Variants in TASP1 observed in about 807,000 individuals in gnomAD.
TASP1 encodes the protein taspase 1.
A neutral mutation model predicts 56.6 loss-of-function variants in TASP1; 16 were observed. The observed-to-expected ratio is 0.28, with a 90% CI of 0.19 to 0.43. TASP1 has a LOEUF of 0.43. TASP1 is among the 20% of genes least tolerant of loss of function. TASP1 has a pLI of 1.00. For missense variants in TASP1, 393 were observed against 511.6 expected, an observed-to-expected ratio of 0.77 and a Z score of 2.24; for synonymous variants, 179 against 184.2, an observed-to-expected ratio of 0.97 and a Z score of 0.23.
the TASP1 span, among the ~76,000 whole-genome samples, chr20:13,240,125 A>G: frequency 6.6e-6 from 1 of 152,224 alleles, no homozygotes; most frequent in Admixed American, 6.5e-5. Flanking sequence ...GCCCAGCCAC[A>G]TGGCATTCTA....
At chr20:13,351,032 G>T in the TASP1 span, among the ~76,000 whole-genome samples, 1 of 151,392 alleles carries the variant, frequency 6.6e-6, no homozygotes, top group Non-Finnish European at 1.5e-5. Flanking sequence ...AGTTGAACAG[G>T]CACTTCTCCA....
rs188576682 is a variant in TASP1, at chr20:13,594,362, G to C, written c.283-6992C>G. Among the ~76,000 whole-genome samples the C allele has an allele frequency of 2.0e-5, 3 of 152,332 alleles. No homozygotes were observed. In the East Asian group the frequency reaches 5.8e-4, roughly 29 times the overall value. ...CTTCGCCAGCAATGGAACAAAGCTG[G>C]ATGGAGAATGACTTTGAGGAGATGA... On this transcript the variant is annotated intron_variant, in intron 4 of 13. Coordinates refer to ENST00000337743, the MANE Select transcript of TASP1 (RefSeq NM_017714.3).
At chr20:13,587,551 T>TTTACA (rs2047352745) in intron 4 of TASP1, among the ~76,000 whole-genome samples, 181 bp from the exon 5 acceptor site, 1 of 151,544 alleles carries the variant, frequency 6.6e-6, no homozygotes, top group Non-Finnish European at 1.5e-5. Flanking sequence ...TACAGATCAA[T>TTTACA]ATACTTTGTA....
chr20:13,566,066 T>C (rs2046517974), intron 7 of TASP1, among the ~76,000 whole-genome samples: 1 of 152,204 alleles, frequency 6.6e-6, no homozygotes, highest in African/African-American at 2.4e-5. Flanking sequence ...GAAGAAGTCA[T>C]GCTAAGTGAA....
At chr20:13,595,367 ACAT>A (rs1258930424) in intron 4 of TASP1, among the ~76,000 whole-genome samples, 1 of 152,232 alleles carries the variant, frequency 6.6e-6, no homozygotes, top group African/African-American at 2.4e-5. Flanking sequence ...TCAAATTCAC[ACAT>A]CACAATATTA....
intron 4 of TASP1, among the ~76,000 whole-genome samples, chr20:13,607,904 GCA>G (rs1214088298): frequency 2.0e-5 from 3 of 152,090 alleles, no homozygotes; most frequent in Non-Finnish European, 2.9e-5. Context: ...AACCTGGGAG[GCA>G]AAGGCTTTAG....
At chr20:13,473,854 C>T (rs2044616848) in intron 11 of TASP1, among the ~76,000 whole-genome samples, 1 of 152,126 alleles carries the variant, frequency 6.6e-6, no homozygotes, top group Non-Finnish European at 1.5e-5. Flanking sequence ...AGGAGGATTA[C>T]TGGAGCCCAG....
intron 4 of TASP1, among the ~76,000 whole-genome samples, chr20:13,599,048 G>A (rs1601396281): frequency 1.3e-5 from 2 of 152,258 alleles, no homozygotes; most frequent in Middle Eastern, 3.4e-3. Context: ...GAGAGGATGT[G>A]GAGAAATAAG....
chr20:13,589,863 C>T (rs2047456764), intron 4 of TASP1, among the ~76,000 whole-genome samples: 1 of 152,154 alleles, frequency 6.6e-6, no homozygotes, highest in African/African-American at 2.4e-5. Context: ...GATGTTCATG[C>T]CATTGTACTC....
At chr20:13,623,303 T>G in intron 4 of TASP1, 143 bp downstream of exon 4, 1 of 547,276 alleles carries the variant, frequency 1.8e-6, no homozygotes, top group Non-Finnish European at 3.2e-6. Flanking sequence ...AACAATATCA[T>G]AGGCTTCTTC....
the TASP1 span, among the ~76,000 whole-genome samples, chr20:13,204,427 G>A: frequency 6.6e-6 from 1 of 151,874 alleles, no homozygotes; most frequent in Admixed American, 6.6e-5. Context: ...TATTACTGAG[G>A]CCTCCTTTAA....
At chr20:13,106,383 T>C in the TASP1 span, among the ~76,000 whole-genome samples, 1 of 151,826 alleles carries the variant, frequency 6.6e-6, no homozygotes. Context: ...TCGCGATGAG[T>C]GCTTAAAAAA....
At chr20:13,364,239 G>A in the TASP1 span, among the ~76,000 whole-genome samples, 1 of 152,088 alleles carries the variant, frequency 6.6e-6, no homozygotes, top group African/African-American at 2.4e-5. Context: ...AGAAATAAAA[G>A]TTTTTACCTT....
chr20:13,546,019 C>T (rs2045796894), intron 8 of TASP1, among the ~76,000 whole-genome samples: 1 of 152,134 alleles, frequency 6.6e-6, no homozygotes, highest in African/African-American at 2.4e-5. Context: ...TCTTCTAACA[C>T]ATACCAAATG....
chr20:13,344,207 G>C, the TASP1 span, among the ~76,000 whole-genome samples: 1 of 152,156 alleles, frequency 6.6e-6, no homozygotes, highest in East Asian at 1.9e-4. Context: ...AAGTACCCTT[G>C]ATCTTGACCT....
chr20:13,404,956 C>T (rs2041864102), intron 13 of TASP1, among the ~76,000 whole-genome samples: 1 of 152,018 alleles, frequency 6.6e-6, no homozygotes, highest in African/African-American at 2.4e-5. Flanking sequence ...ACCTGTTTTA[C>T]CTTGGTTATA....
chr20:13,614,799 T>C (rs1044698257), intron 4 of TASP1: 1 of 469,580 alleles, frequency 2.1e-6, no homozygotes, highest in Non-Finnish European at 4.4e-6. Flanking sequence ...TTAAACTTTG[T>C]TTTAGTTGGA....
intron 4 of TASP1, among the ~76,000 whole-genome samples, chr20:13,609,078 C>T (rs2048258224): frequency 6.6e-6 from 1 of 152,070 alleles, no homozygotes; most frequent in East Asian, 1.9e-4. Context: ...ATAAAGAGCT[C>T]CAAATTTCAA....
At chr20:13,604,487 T>C (rs1000520866) in intron 4 of TASP1, among the ~76,000 whole-genome samples, 4 of 152,198 alleles carry the variant, frequency 2.6e-5, no homozygotes, top group Admixed American at 6.5e-5. Flanking sequence ...GATGCTGGTG[T>C]CATGCTTGTA....
Sources: allele counts gnomAD v4.1 joint callset (sites outside exome capture counted in the v4.1 genomes callset), GRCh38; gene constraint gnomAD v4.1.1; transcripts MANE v1.5; gene names NCBI Gene and HGNC (gene_info 2026-07-23, HGNC 2026-07-21).